The following PISD variants were observed in gnomAD, a reference collection of about 807,000 sequenced individuals.
PISD encodes phosphatidylserine decarboxylase proenzyme, mitochondrial.
PISD carries 31 observed loss-of-function variants against 43.5 expected under a neutral mutation model. The ratio of observed to expected loss-of-function variants is 0.71; its 90% CI spans 0.54 to 0.96. The LOEUF (loss-of-function observed/expected upper bound fraction) is 0.96. PISD is among the 40% of genes least tolerant of loss of function. The probability of loss-of-function intolerance (pLI) is 0.00; values close to 1 mark genes in which losing one functional copy is unlikely to be tolerated. For synonymous variants in PISD, 259 were observed against 228.7 expected, an observed-to-expected ratio of 1.13 and a Z score of -1.20; for missense variants, 523 against 548.4, an observed-to-expected ratio of 0.95 and a Z score of 0.46.
chr22:31,644,926 C>A (rs939764808), intron 3 of PISD, among the ~76,000 whole-genome samples: 7 of 152,134 alleles, frequency 4.6e-5, no homozygotes, highest in Admixed American at 2.6e-4. Context: ...AGTTCAAGAC[C>A]AGCCTGGCCA....
intron 1 of PISD, among the ~76,000 whole-genome samples, chr22:31,659,883 TG>T (rs1188117235): frequency 1.3e-5 from 2 of 152,054 alleles, no homozygotes; most frequent in Non-Finnish European, 2.9e-5. Context: ...TGCCCGGCTT[TG>T]TTTTTTTTAA....
At chr22:31,662,032 T>C in intron 1 of PISD, 112 bp downstream of exon 1, 3 of 957,360 alleles carry the variant, frequency 3.1e-6, no homozygotes, top group Non-Finnish European at 4.9e-6. Context: ...TGGCTCCGTC[T>C]CCACCCGAGC....
rs1267009042 is a variant in PISD at position 31,630,626 on chromosome 22, GC to G, written c.322-8742del. On this transcript the variant is annotated intron_variant, in intron 3 of 7. Transcript: ENST00000439502. The surrounding 1 kb of genome is among the most constrained non-coding windows in gnomAD (Gnocchi z 4.4). ...GCCCACGACTCGCTCAACCTTGTCC[GC>G]GGGGCTCCTCAGGCCGGGGCCGCGT... 4.3e-6 allele frequency: 3 copies of G among 692,588 alleles called. No homozygotes were observed. The highest frequency in any genetic ancestry group is 1.9e-5 in the African/African-American group (1 of 51,746). The allele number at this position is 692,588 out of a possible 1,614,324, so 42.9% of individuals were successfully genotyped here.
At chr22:31,650,601 C>A in intron 2 of PISD, 98 bp downstream of exon 2, 2 of 621,128 alleles carry the variant, frequency 3.2e-6, no homozygotes, top group Non-Finnish European at 2.8e-6. Context: ...CACATACTAA[C>A]TCATTTAACT....
intron 1 of PISD, among the ~76,000 whole-genome samples, chr22:31,651,766 C>T (rs541223511): frequency 2.0e-5 from 3 of 152,212 alleles, no homozygotes; most frequent in South Asian, 4.1e-4. Flanking sequence ...AAGGAAAATA[C>T]TATTCTGGTT....
At position 31,624,377 on chromosome 22, in the gene PISD, C is replaced by T. The variant is rs188311112; in HGVS notation, c.322-2492G>A. Among the ~76,000 whole-genome samples, 8 of 152,332 alleles carry T rather than the reference C, an allele frequency of 5.3e-5. No individual in the cohort carries two copies. In the East Asian group the frequency reaches 1.4e-3, roughly 26 times the overall value. ...CCAGCTGGGTAACCATTTGCTGAGT[C>T]TTCCGCTACCATCCTTTGCAGGATC... On this transcript the variant is annotated intron_variant, in intron 3 of 7. Coordinates refer to ENST00000439502, the MANE Select transcript of PISD (RefSeq NM_001326411.2).
chr22:31,654,473 T>C (rs1053230943), intron 1 of PISD, among the ~76,000 whole-genome samples: 1 of 152,132 alleles, frequency 6.6e-6, no homozygotes, highest in Non-Finnish European at 1.5e-5. Context: ...TGGCCCCATT[T>C]TGAGTCCTCT....
intron 1 of PISD, among the ~76,000 whole-genome samples, chr22:31,656,083 C>A (rs983093679): frequency 8.1e-5 from 12 of 149,018 alleles, no homozygotes; most frequent in African/African-American, 2.9e-4. Context: ...CACCTGAGGT[C>A]GGGAGTTTGA....
rs1220676380 is a variant in PISD, at chr22:31,662,174, A to G, written c.35T>C (p.Leu12Ser). ...CCGCCACGGCGCGACCCCGTGCAGTAATCCCAGACATCGGTGCCCCACGGA... is the reference window on the plus strand; with the variant it reads ...CCGCCACGGCGCGACCCCGTGCAGTGATCCCAGACATCGGTGCCCCACGGA... ...ATSVGHRCLG[L>S]LHGVAPWRSS... is the part of the protein sequence containing the mutation. The change falls in exon 1 of 8, where the codon TTA becomes TCA. Residue 12 changes from leucine to serine, a missense_variant. Physicochemically the swap from Leu to Ser is moderately radical, Grantham distance 145 (BLOSUM62 -2). Coordinates refer to ENST00000439502, the MANE Select transcript of PISD (RefSeq NM_001326411.2). 1.2e-6 allele frequency: 2 copies of G among 1,606,582 alleles called. No individual in the cohort carries two copies. Among genetic ancestry groups the G allele is most frequent in the Admixed American group, 3.3e-5 (2 of 60,022 alleles).
intron 1 of PISD, 108 bp from the exon 2 acceptor site, chr22:31,650,886 G>T: frequency 1.5e-6 from 1 of 662,662 alleles, no homozygotes. Flanking sequence ...CAATGTAAAT[G>T]TCTTGGTTTT....
In PISD at chr22:31,619,609, A is replaced by T; in HGVS notation, c.*3T>A. The stretch of plus-strand genomic sequence containing the variant: ...CTTAGCAGCCATAATCAGGAAAGAG[A>T]CTCTAGAGCGAGCCCAGGGCTTCCC... On this transcript the variant is annotated 3_prime_UTR_variant, in exon 8 of 8. Coordinates refer to ENST00000439502, the MANE Select transcript of PISD (RefSeq NM_001326411.2). The T allele has an allele frequency of 1.2e-6, 2 of 1,610,764 alleles. No individual in the cohort carries two copies. Among genetic ancestry groups the T allele is most frequent in the Non-Finnish European group, 1.7e-6 (2 of 1,177,176 alleles).
At position 31,621,680 on chromosome 22, in the gene PISD, T is replaced by C. The variant is rs974728893; in HGVS notation, c.527A>G (p.Gln176Arg). The C allele has an allele frequency of 7.4e-6, 12 of 1,613,594 alleles. No homozygotes were observed. Among genetic ancestry groups the C allele is most frequent in the South Asian group, 5.5e-5 (5 of 91,074 alleles). Residue 176 changes from glutamine to arginine, a missense_variant, in exon 4 of 8, where the codon CAG becomes CGG. Gln to Arg is a conservative substitution (Grantham distance 43, BLOSUM62 1). Transcript: ENST00000439502. ...GTGCAGGCCACAGACAGGCCGGGCC[T>C]GCGGCTTCAGCTTGCGCCGGAAGAA... The part of the protein sequence containing the change: ...SEFFRRKLKP[Q>R]ARPVCGLHSV...
intron 3 of PISD, among the ~76,000 whole-genome samples, chr22:31,645,354 G>A (rs1330516891): frequency 2.6e-5 from 4 of 151,702 alleles, no homozygotes; most frequent in Admixed American, 6.5e-5. Flanking sequence ...GCAGTGAGCC[G>A]TGATCATGCC....
Position 31,640,522 on chromosome 22 carries a change from T to C in PISD, c.321+7579A>G, listed in dbSNP as rs1050434876. On this transcript the variant is annotated intron_variant, in intron 3 of 7. Coordinates refer to ENST00000439502, the MANE Select transcript of PISD (RefSeq NM_001326411.2). The stretch of plus-strand genomic sequence containing the variant: ...CAAGCTACCCTTTCTAGAGACATCA[T>C]TCTGTGAAATAAAAACTTAAAATAA... 4.0e-5 allele frequency among the ~76,000 whole-genome samples: 6 copies of C among 150,638 alleles called. No individual in the cohort carries two copies. In the East Asian group the frequency reaches 7.8e-4, roughly 20 times the overall value.
At chr22:31,662,273 C>T, upstream of PISD, 2 of 1,497,438 alleles carry the variant, frequency 1.3e-6, no homozygotes, top group African/African-American at 1.4e-5. Context: ...TAAGGCGTCA[C>T]GAGTCTCGAG....
chr22:31,656,367 C>G (rs980698255), intron 1 of PISD, among the ~76,000 whole-genome samples: 1 of 149,800 alleles, frequency 6.7e-6, no homozygotes, highest in Non-Finnish European at 1.5e-5. Flanking sequence ...AAAATAAAGG[C>G]CGGGCATGGT....
chr22:31,628,556 G>A (rs556249493), intron 3 of PISD, among the ~76,000 whole-genome samples: 1 of 152,302 alleles, frequency 6.6e-6, no homozygotes, highest in South Asian at 2.1e-4. Flanking sequence ...ATGGCCTAAG[G>A]GCCAGTCACC....
intron 3 of PISD, 62 bp from the exon 4 acceptor site, chr22:31,621,947 T>C (rs1362487542): frequency 8.1e-7 from 1 of 1,230,184 alleles, no homozygotes; most frequent in Non-Finnish European, 1.2e-6. Context: ...AGAGCCCAAG[T>C]AGTGTCATTA....
chr22:31,623,550 C>T (rs755031443), intron 3 of PISD: 238 of 930,932 alleles, frequency 2.6e-4, no homozygotes, highest in Non-Finnish European at 3.6e-4. Flanking sequence ...ATGAACCTTC[C>T]GACCCGGACC....
Sources: allele counts gnomAD v4.1 joint callset (sites outside exome capture counted in the v4.1 genomes callset), GRCh38; gene constraint gnomAD v4.1.1; non-coding constraint Gnocchi (gnomAD v3.1); transcripts MANE v1.5; gene names NCBI Gene and HGNC (gene_info 2026-07-23, HGNC 2026-07-21).